FHOD3: variants seen among roughly 807,000 people sequenced by gnomAD.
FHOD3 encodes formin homology 2 domain containing 3, also known as FH1/FH2 domain-containing protein 3.
A neutral mutation model predicts 173.0 loss-of-function variants in FHOD3; 90 were observed. The ratio of observed to expected loss-of-function variants is 0.52; its 90% CI spans 0.44 to 0.62. The LOEUF (loss-of-function observed/expected upper bound fraction) is 0.62, where lower values mean the gene tolerates loss of function less well. Ranked by LOEUF, FHOD3 falls within the 20% of genes least tolerant of loss-of-function variation. The pLI, the probability that FHOD3 is intolerant of heterozygous loss-of-function variation, is 0.00. For missense variants in FHOD3, 1,945 were observed against 2,034.7 expected, an observed-to-expected ratio of 0.96 and a Z score of 0.85; for synonymous variants, 828 against 823.0, an observed-to-expected ratio of 1.01 and a Z score of -0.10.
At chr18:36,306,205 G>A (rs930605078) in intron 1 of FHOD3, among the ~76,000 whole-genome samples, 1 of 152,234 alleles carries the variant, frequency 6.6e-6, no homozygotes. Context: ...AGCCAACAGA[G>A]AGGACATTTG....
chr18:36,732,990 C>T (rs565203790), intron 20 of FHOD3, among the ~76,000 whole-genome samples: 14 of 152,144 alleles, frequency 9.2e-5, no homozygotes, highest in Non-Finnish European at 1.3e-4. Context: ...TTATTTAGTA[C>T]GGATTAAATG....
chr18:36,401,970 G>A (rs2048832292), intron 3 of FHOD3, among the ~76,000 whole-genome samples: 1 of 152,186 alleles, frequency 6.6e-6, no homozygotes, highest in Non-Finnish European at 1.5e-5. Context: ...TTGTATACAA[G>A]CATTTATGTG....
chr18:36,682,298 C>T (rs921266143), intron 15 of FHOD3, among the ~76,000 whole-genome samples: 1 of 152,172 alleles, frequency 6.6e-6, no homozygotes, highest in African/African-American at 2.4e-5. Flanking sequence ...CTGTATCTCT[C>T]CTTACACATT....
At chr18:36,512,926 A>C (rs983240133) in intron 5 of FHOD3, among the ~76,000 whole-genome samples, 1 of 152,226 alleles carries the variant, frequency 6.6e-6, no homozygotes, top group African/African-American at 2.4e-5. Context: ...TTGGAAAAAA[A>C]CATTTTCTCC....
At chr18:36,639,398 T>C (rs1025875836) in intron 10 of FHOD3, among the ~76,000 whole-genome samples, 2 of 151,192 alleles carry the variant, frequency 1.3e-5, no homozygotes, top group East Asian at 2.0e-4. Context: ...AAAGGCAGGG[T>C]GTGGTGGCTC....
intron 3 of FHOD3, among the ~76,000 whole-genome samples, chr18:36,443,599 C>T (rs1382033457): frequency 3.3e-5 from 5 of 152,152 alleles, no homozygotes; most frequent in Non-Finnish European, 7.3e-5. Flanking sequence ...TCAGCCATTT[C>T]TCTAAGGAGC....
At chr18:36,464,703 G>A (rs1332728407) in intron 3 of FHOD3, among the ~76,000 whole-genome samples, 1 of 152,126 alleles carries the variant, frequency 6.6e-6, no homozygotes, top group Non-Finnish European at 1.5e-5. Flanking sequence ...ACCAGGCTGG[G>A]TCCTTAGGAG....
At chr18:36,377,251 C>T (rs554288982) in intron 3 of FHOD3, among the ~76,000 whole-genome samples, 1 of 152,320 alleles carries the variant, frequency 6.6e-6, no homozygotes, top group Non-Finnish European at 1.5e-5. Context: ...AGCATGACTT[C>T]TCTCCCACTT....
At chr18:36,597,461 C>G (rs1415994942) in intron 7 of FHOD3, among the ~76,000 whole-genome samples, 1 of 152,106 alleles carries the variant, frequency 6.6e-6, no homozygotes, top group African/African-American at 2.4e-5. Context: ...GAGTCTCACT[C>G]TGTTGCCCAG....
chr18:36,674,820 G>T (rs2037745127), intron 14 of FHOD3, among the ~76,000 whole-genome samples: 1 of 152,100 alleles, frequency 6.6e-6, no homozygotes, highest in Admixed American at 6.5e-5. Context: ...GTGCCCCTGG[G>T]AGTAAGTTCT....
chr18:36,464,461 A>T (rs1322644800), intron 3 of FHOD3, among the ~76,000 whole-genome samples: 1 of 151,948 alleles, frequency 6.6e-6, no homozygotes, highest in African/African-American at 2.4e-5. Flanking sequence ...TACAGCTTGG[A>T]CTCCAGCACC....
chr18:36,763,053 G>A (rs62650896), intron 27 of FHOD3, among the ~76,000 whole-genome samples: 3 of 121,360 alleles, frequency 2.5e-5, no homozygotes, highest in East Asian at 2.0e-4. Flanking sequence ...TATTATACAC[G>A]TTATATATAA....
At chr18:36,654,859 C>T (rs74600162) in intron 13 of FHOD3, among the ~76,000 whole-genome samples, 1,758 of 152,140 alleles carry the variant, frequency 0.012, 77 homozygotes, top group Admixed American at 0.08. Context: ...AGTTTTTTTT[C>T]TTTCTAAAAA....
chr18:36,369,870 T>G (rs1488100395), intron 2 of FHOD3, among the ~76,000 whole-genome samples: 1 of 152,164 alleles, frequency 6.6e-6, no homozygotes, highest in Non-Finnish European at 1.5e-5. Context: ...GTGAGGCAAT[T>G]GTGCAGTGAA....
intron 5 of FHOD3, among the ~76,000 whole-genome samples, chr18:36,566,937 C>T (rs920145254): frequency 6.6e-6 from 1 of 152,114 alleles, no homozygotes; most frequent in South Asian, 2.1e-4. Context: ...CAGTGTACTG[C>T]GTTTTCTGTT....
At chr18:36,354,436 C>T (rs2145740769) in intron 1 of FHOD3, among the ~76,000 whole-genome samples, 1 of 152,260 alleles carries the variant, frequency 6.6e-6, no homozygotes, top group East Asian at 1.9e-4. Flanking sequence ...GTGAGAGAAT[C>T]AACTGACTTC....
intron 5 of FHOD3, among the ~76,000 whole-genome samples, chr18:36,537,099 C>T (rs1406772352): frequency 6.6e-6 from 1 of 152,132 alleles, no homozygotes; most frequent in Non-Finnish European, 1.5e-5. Flanking sequence ...TTGCATCAGG[C>T]TTAGTGTGGA....
intron 3 of FHOD3, among the ~76,000 whole-genome samples, chr18:36,415,621 A>G (rs962485567): frequency 1.3e-5 from 2 of 152,222 alleles, no homozygotes; most frequent in South Asian, 4.1e-4. Flanking sequence ...TTATTTTAAA[A>G]TTTGCCAGGC....
chr18:36,610,789 A>G (rs1056063109), intron 8 of FHOD3, among the ~76,000 whole-genome samples: 6 of 152,208 alleles, frequency 3.9e-5, no homozygotes, highest in South Asian at 2.1e-4. Flanking sequence ...TGTTTAGAAT[A>G]ATTTTGGAAT....
Sources: allele counts gnomAD v4.1 joint callset (sites outside exome capture counted in the v4.1 genomes callset), GRCh38; gene constraint gnomAD v4.1.1; transcripts MANE v1.5; gene names NCBI Gene and HGNC (gene_info 2026-07-23, HGNC 2026-07-21).